Variants in MYL3 observed in about 807,000 individuals in gnomAD.
MYL3 encodes the protein myosin light chain 3.
MYL3 carries 11 observed loss-of-function variants against 21.3 expected under a neutral mutation model. The ratio of observed to expected loss-of-function variants is 0.52; its 90% CI spans 0.32 to 0.85. The LOEUF (loss-of-function observed/expected upper bound fraction) is 0.85. MYL3 is among the 40% of genes least tolerant of loss of function. The pLI, the probability that MYL3 is intolerant of heterozygous loss-of-function variation, is 0.03. For synonymous variants in MYL3, 88 were observed against 91.6 expected, an observed-to-expected ratio of 0.96 and a Z score of 0.22; for missense variants, 206 against 253.3, an observed-to-expected ratio of 0.81 and a Z score of 1.27.
Position 46,874,739 on chromosome 3 carries a change from A to G in MYL3, c.-218+7335T>C, listed in dbSNP as rs2030090487. Among the ~76,000 whole-genome samples the G allele has an allele frequency of 6.6e-6, 1 of 152,150 alleles. No homozygotes were observed. Among genetic ancestry groups the G allele is most frequent in the South Asian group, 2.1e-4 (1 of 4,826 alleles). ...TTCCGAGGCACAGACCCCCCCCCAC[A>G]CACACAATAGGGACGCACTAGGCTT... On this transcript the variant is annotated intron_variant, in intron 1 of 3. Coordinates refer to the MYL3 transcript ENST00000431168. The surrounding 1 kb of genome is among the most constrained non-coding windows in gnomAD (Gnocchi z 4.1).
Position 46,861,530 on chromosome 3 carries a change from C to T in MYL3, c.130-543G>A, listed in dbSNP as rs1272312372. ...ATGTGTCTACATACGTCTGCCCTCACAGAGCCCCCTAAGCCCTAAAGACCA... is the reference window on the plus strand; with the variant it reads ...ATGTGTCTACATACGTCTGCCCTCATAGAGCCCCCTAAGCCCTAAAGACCA... On this transcript the variant is annotated intron_variant, in intron 1 of 6. Transcript: ENST00000292327. This position sits in a 1 kb window ranked among gnomAD's most constrained non-coding sequence, Gnocchi z 4.2. Among the ~76,000 whole-genome samples the T allele has an allele frequency of 6.6e-6, 1 of 152,164 alleles. No individual in the cohort carries two copies. Among genetic ancestry groups the T allele is most frequent in the African/African-American group, 2.4e-5 (1 of 41,432 alleles).
intron 1 of MYL3, among the ~76,000 whole-genome samples, chr3:46,876,500 C>T (rs1260719577): frequency 6.6e-6 from 1 of 152,196 alleles, no homozygotes; most frequent in Non-Finnish European, 1.5e-5. Context: ...TGCTGTTTGT[C>T]ATAGTTTCAC....
In MYL3 at chr3:46,859,840, G is replaced by A. The variant is rs900946014; in HGVS notation, c.308-192C>T. ...ATCGCGAGGCACTTTACAGTCTACT[G>A]AGCAATGCACTGTTTCCATAGCCCT... On this transcript the variant is annotated intron_variant, in intron 3 of 6. Coordinates refer to ENST00000292327, the MANE Select transcript of MYL3 (RefSeq NM_000258.3). The surrounding 1 kb of genome is among the most constrained non-coding windows in gnomAD (Gnocchi z 4.1). Among the ~76,000 whole-genome samples, 1 of 152,218 alleles carries A rather than the reference G, an allele frequency of 6.6e-6. No individual in the cohort carries two copies. Among genetic ancestry groups the A allele is most frequent in the African/African-American group, 2.4e-5 (1 of 41,448 alleles).
Position 46,863,344 on chromosome 3 carries a change from G to T in MYL3, c.47C>A (p.Ala16Asp). The T allele has an allele frequency of 6.2e-7, 1 of 1,613,832 alleles. No homozygotes were observed. Among genetic ancestry groups the T allele is most frequent in the Non-Finnish European group, 8.5e-7 (1 of 1,179,994 alleles). ...PEPKKDDAKA[A>D]PKAAPAPAPP... ...TGCGGGAGCTGGAGCTGCCTTGGGG[G>T]CTGCCTTGGCATCATCCTTCTTGGG... The change falls in exon 1 of 7, where the codon GCC becomes GAC. Residue 16 changes from alanine (A) to aspartate (D), a missense_variant. Coordinates refer to ENST00000292327, the MANE Select transcript of MYL3 (RefSeq NM_000258.3).
At chr3:46,881,506 C>A (rs1007566188) in intron 1 of MYL3, among the ~76,000 whole-genome samples, 1 of 152,184 alleles carries the variant, frequency 6.6e-6, no homozygotes, top group Non-Finnish European at 1.5e-5. Context: ...CCAGGTCTGG[C>A]AGCCTCGAGC....
intron 1 of MYL3, among the ~76,000 whole-genome samples, chr3:46,873,975 C>T (rs906478964): frequency 6.6e-6 from 1 of 152,158 alleles, no homozygotes; most frequent in Non-Finnish European, 1.5e-5. Context: ...AAGCCCAGAA[C>T]CTCCTCCACA....
Position 46,861,753 on chromosome 3 carries a change from C to T in MYL3, c.130-766G>A, listed in dbSNP as rs1412787294. ...CAGTGTCCCCCTCCTCACCGGATAC[C>T]AGGTCTATTTTTATCACTGCAGTCA... On this transcript the variant is annotated intron_variant, in intron 1 of 6. Transcript: ENST00000292327. The surrounding 1 kb of genome is among the most constrained non-coding windows in gnomAD (Gnocchi z 4.2). 6.6e-6 allele frequency among the ~76,000 whole-genome samples: 1 copy of T among 152,104 alleles called. No homozygotes were observed. Among genetic ancestry groups the T allele is most frequent in the Non-Finnish European group, 1.5e-5 (1 of 68,016 alleles).
In MYL3 at chr3:46,878,239, G is replaced by C. The variant is rs77161815; in HGVS notation, c.-218+3835C>G. ...CTCCAGCGACTCAGCTGGGTGTCAG[G>C]GGGTGTTTATGAGCAGCCGAAATGG... On this transcript the variant is annotated intron_variant, in intron 1 of 3. Transcript: ENST00000431168. Among the ~76,000 whole-genome samples, 889 of 152,348 alleles carry C rather than the reference G, an allele frequency of 5.8e-3. 7 individuals are homozygous for C. Among genetic ancestry groups the C allele is most frequent in the African/African-American group, 0.02 (840 of 41,588 alleles).
In MYL3 at chr3:46,860,818, C is replaced by T. The variant is rs397516277; in HGVS notation, c.165G>A (p.Lys55=). The part of the protein sequence containing the change: ...EFTPEQIEEF[K]EAFMLFDRTP... ...TGCGGTCGAACAGCATGAAGGCTTCCTTGAACTCTGCCAGGAGAGGGCAGT... is the reference window on the plus strand; with the variant it reads ...TGCGGTCGAACAGCATGAAGGCTTCTTTGAACTCTGCCAGGAGAGGGCAGT... The change falls in exon 3 of 7, where the codon AAG becomes AAA. Residue 55 remains lysine (K), a synonymous_variant. Transcript: ENST00000292327. The surrounding 1 kb of genome is among the most constrained non-coding windows in gnomAD (Gnocchi z 4.6). 2.5e-6 allele frequency: 4 copies of T among 1,614,040 alleles called. No homozygotes were observed. Among genetic ancestry groups the T allele is most frequent in the Non-Finnish European group, 3.4e-6 (4 of 1,179,976 alleles).
At chr3:46,863,153 C>A (rs1267881442) in intron 1 of MYL3, 109 bp downstream of exon 1, 5 of 1,512,954 alleles carry the variant, frequency 3.3e-6, no homozygotes, top group Admixed American at 1.7e-5. Flanking sequence ...AAGCTTCCAG[C>A]GTCAGCTCAG....
chr3:46,863,465 G>A (rs536922744), upstream of MYL3: 20 of 1,535,530 alleles, frequency 1.3e-5, no homozygotes, highest in South Asian at 2.1e-4. Flanking sequence ...CCTCACCCAG[G>A]CCTTTATCCT....
intron 1 of MYL3, among the ~76,000 whole-genome samples, chr3:46,870,271 C>T (rs911406645): frequency 2.0e-5 from 3 of 152,160 alleles, no homozygotes; most frequent in East Asian, 1.9e-4. Context: ...GGGCACCAGA[C>T]CAGGATGCAA....
In MYL3 at chr3:46,859,156, G is replaced by A. The variant is rs1701963516; in HGVS notation, c.481+319C>T. 6.6e-6 allele frequency among the ~76,000 whole-genome samples: 1 copy of A among 152,136 alleles called. No homozygotes were observed. Among genetic ancestry groups the A allele is most frequent in the African/African-American group, 2.4e-5 (1 of 41,440 alleles). ...TTGACCTGCTTGACCACTTAGGGCT[G>A]TGGCCCTGGAATTTGACCTTGGAGT... is the stretch of plus-strand genomic sequence containing the variant. On this transcript the variant is annotated intron_variant, in intron 4 of 6. Transcript: ENST00000292327. The surrounding 1 kb of genome is among the most constrained non-coding windows in gnomAD (Gnocchi z 4.1).
chr3:46,870,725 A>G (rs1324575330), intron 1 of MYL3, among the ~76,000 whole-genome samples: 2 of 151,982 alleles, frequency 1.3e-5, no homozygotes, highest in Non-Finnish European at 2.9e-5. Context: ...AGGCTAACCC[A>G]CCCCTGATGT....
chr3:46,866,919 G>A (rs553812435), upstream of MYL3, among the ~76,000 whole-genome samples: 53 of 152,294 alleles, frequency 3.5e-4, no homozygotes, highest in African/African-American at 1.3e-3. Flanking sequence ...ACCACGATCA[G>A]CCAGCAGGGG....
intron 1 of MYL3, among the ~76,000 whole-genome samples, chr3:46,873,474 G>A (rs866867791): frequency 3.3e-5 from 5 of 152,186 alleles, no homozygotes; most frequent in East Asian, 1.9e-4. Context: ...CTCTGTTTGC[G>A]AGGTCATCAC....
chr3:46,877,491 G>C (rs2030292796), intron 1 of MYL3, among the ~76,000 whole-genome samples: 1 of 152,140 alleles, frequency 6.6e-6, no homozygotes, highest in East Asian at 1.9e-4. Flanking sequence ...ACACACACGT[G>C]TCTGGCAGCC....
rs1575497410 is a variant in MYL3 at position 46,858,404 on chromosome 3, T to C, written c.539A>G (p.Asn180Ser). The C allele has an allele frequency of 1.2e-6, 2 of 1,614,048 alleles. No homozygotes were observed. The highest frequency in any genetic ancestry group is 1.1e-5 in the South Asian group (1 of 91,086). ...CCCACCTTCATAGTTGATGCAGCCATTGGAGTCCTCTTGCCCAGCCATCAA... is the reference window on the plus strand; with the variant it reads ...CCCACCTTCATAGTTGATGCAGCCACTGGAGTCCTCTTGCCCAGCCATCAA... Reference protein sequence around the residue: ...EKLMAGQEDSNGCINYEAFVK... With the variant: ...EKLMAGQEDSSGCINYEAFVK... The change falls in exon 5 of 7, where the codon AAT (asparagine) becomes AGT (serine). Residue 180 changes from asparagine to serine, a missense_variant. By Grantham distance (46) the Asn-to-Ser change is conservative (BLOSUM62 1). Coordinates refer to ENST00000292327, the MANE Select transcript of MYL3 (RefSeq NM_000258.3).
chr3:46,868,539 G>GGGA (rs1213720708), intron 1 of MYL3, among the ~76,000 whole-genome samples: 2 of 152,180 alleles, frequency 1.3e-5, no homozygotes, highest in Admixed American at 1.3e-4. Flanking sequence ...CCTATAATCA[G>GGGA]CTCCTGCCCC....
Sources: allele counts gnomAD v4.1 joint callset (sites outside exome capture counted in the v4.1 genomes callset), GRCh38; gene constraint gnomAD v4.1.1; non-coding constraint Gnocchi (gnomAD v3.1); transcripts MANE v1.5; gene names NCBI Gene and HGNC (gene_info 2026-07-23, HGNC 2026-07-21).